BARX2: variants seen among roughly 807,000 people sequenced by gnomAD.
BARX2 encodes homeobox protein BarH-like 2.
BARX2 carries 11 observed loss-of-function variants against 25.5 expected under a neutral mutation model. The observed-to-expected ratio is 0.43, with a 90% CI of 0.27 to 0.71. BARX2 has a LOEUF of 0.71. BARX2 is among the 30% of genes least tolerant of loss of function. The pLI is 0.19. For missense variants in BARX2, 360 were observed against 359.9 expected, an observed-to-expected ratio of 1.00 and a Z score of 0.00; for synonymous variants, 137 against 149.5, an observed-to-expected ratio of 0.92 and a Z score of 0.61.
intron 3 of BARX2, among the ~76,000 whole-genome samples, chr11:129,450,496 T>C (rs1325946205): frequency 6.6e-6 from 1 of 152,228 alleles, no homozygotes; most frequent in African/African-American, 2.4e-5. Context: ...ATAGTAATTG[T>C]AATGGTTGTC....
intron 1 of BARX2, among the ~76,000 whole-genome samples, chr11:129,398,560 A>G (rs1201417405): frequency 6.6e-6 from 1 of 152,236 alleles, no homozygotes; most frequent in East Asian, 1.9e-4. Flanking sequence ...TGCTGAAGTA[A>G]TTCTAATTGA....
At chr11:129,415,695 G>C (rs1038831185) in intron 1 of BARX2, among the ~76,000 whole-genome samples, 3 of 152,206 alleles carry the variant, frequency 2.0e-5, no homozygotes, top group African/African-American at 7.2e-5. Flanking sequence ...AATGTATCCT[G>C]TGTTGCACAA....
At chr11:129,438,892 C>G (rs1370411482) in intron 2 of BARX2, among the ~76,000 whole-genome samples, 1 of 152,134 alleles carries the variant, frequency 6.6e-6, no homozygotes, top group East Asian at 1.9e-4. Context: ...TTAAGAAGAG[C>G]TTTGATTCCA....
intron 1 of BARX2, among the ~76,000 whole-genome samples, chr11:129,410,562 G>A (rs1861875856): frequency 6.6e-6 from 1 of 152,204 alleles, no homozygotes; most frequent in South Asian, 2.1e-4. Flanking sequence ...TGGGAGGGGT[G>A]TGTGGGGCTG....
intron 1 of BARX2, among the ~76,000 whole-genome samples, chr11:129,414,361 GA>G (rs144558771): frequency 0.019 from 2,848 of 152,062 alleles, 104 homozygotes; most frequent in East Asian, 0.15. Flanking sequence ...GCTTATCTAA[GA>G]GCTACCGAGA....
At chr11:129,450,320 AC>A (rs1862382176) in intron 3 of BARX2, among the ~76,000 whole-genome samples, 1 of 152,238 alleles carries the variant, frequency 6.6e-6, no homozygotes, top group African/African-American at 2.4e-5. Flanking sequence ...TATAGAAAAA[AC>A]AAAGATTAAA....
At chr11:129,434,123 A>G (rs975161172) in intron 1 of BARX2, among the ~76,000 whole-genome samples, 1 of 152,108 alleles carries the variant, frequency 6.6e-6, no homozygotes, top group Non-Finnish European at 1.5e-5. Context: ...CAGACAAAAA[A>G]AAAATCATAG....
intron 1 of BARX2, among the ~76,000 whole-genome samples, chr11:129,418,198 C>T (rs973949931): frequency 2.6e-5 from 4 of 152,032 alleles, no homozygotes; most frequent in Non-Finnish European, 5.9e-5. Flanking sequence ...TATCTCTAGG[C>T]GTAATGGTTG....
intron 1 of BARX2, among the ~76,000 whole-genome samples, chr11:129,382,180 T>C (rs1861571870): frequency 6.6e-6 from 1 of 152,068 alleles, no homozygotes; most frequent in African/African-American, 2.4e-5. Context: ...TTGTTTTTGT[T>C]TTTGTTTTAT....
chr11:129,403,621 G>A (rs917609621), intron 1 of BARX2, among the ~76,000 whole-genome samples: 1 of 152,218 alleles, frequency 6.6e-6, no homozygotes, highest in Admixed American at 6.5e-5. Flanking sequence ...TCCAGTGCCT[G>A]GATGGGAAAA....
Position 129,451,210 on chromosome 11 carries a change from A to T in BARX2, c.648A>T (p.Glu216Asp), listed in dbSNP as rs1175967028. 6.2e-7 allele frequency: 1 copy of T among 1,613,974 alleles called. No individual in the cohort carries two copies. The highest frequency in any genetic ancestry group is 8.5e-7 in the Non-Finnish European group (1 of 1,179,974). Residue 216 changes from glutamate to aspartate, a missense_variant, in exon 4 of 4, where the codon GAA (glutamate) becomes GAT (aspartate). By Grantham distance (45) the Glu-to-Asp change is conservative (BLOSUM62 2). Around this residue, in one of 3 missense-constraint regions of BARX2, gnomAD observed 114 missense variants for 109.4 expected, o/e 1.04. Transcript: ENST00000281437. Reference protein sequence around the residue: ...RPKKNSIPTSEEIEAEEKMNS... With the variant: ...RPKKNSIPTSDEIEAEEKMNS... ...AGAAGAACTCCATCCCCACATCAGA[A>T]GAGATTGAAGCTGAAGAGAAGATGA...
chr11:129,382,528 T>C (rs995462131), intron 1 of BARX2, among the ~76,000 whole-genome samples: 7 of 152,186 alleles, frequency 4.6e-5, no homozygotes, highest in African/African-American at 1.7e-4. Flanking sequence ...CTATGGAGCC[T>C]GAGGGTCTTC....
chr11:129,422,388 T>C (rs1862014290), intron 1 of BARX2, among the ~76,000 whole-genome samples: 2 of 151,762 alleles, frequency 1.3e-5, no homozygotes, highest in Non-Finnish European at 2.9e-5. Flanking sequence ...CTCCTCCAAC[T>C]CCTCGGTTCA....
rs144013495 is a variant in BARX2 at position 129,451,267 on chromosome 11, G to T, written c.705G>T (p.Glu235Asp). The stretch of plus-strand genomic sequence containing the variant: ...AGGCCCAGGGTCAGGAGCAGCTGGA[G>T]CCCTCTCAGGGGCAGGAGGAGCTCT... ...NSQAQGQEQL[E>D]PSQGQEELCE... is the part of the protein sequence containing the mutation. Residue 235 changes from glutamate (E) to aspartate (D), a missense_variant, in exon 4 of 4, where the codon GAG becomes GAT. By Grantham distance (45) the Glu-to-Asp change is conservative. Coordinates refer to ENST00000281437, the MANE Select transcript of BARX2 (RefSeq NM_003658.5). The T allele has an allele frequency of 1.9e-5, 31 of 1,614,076 alleles. No homozygotes were observed. The highest frequency in any genetic ancestry group is 2.5e-5 in the Non-Finnish European group (29 of 1,180,054).
At chr11:129,423,999 G>C (rs1862037539) in intron 1 of BARX2, among the ~76,000 whole-genome samples, 1 of 151,972 alleles carries the variant, frequency 6.6e-6, no homozygotes, top group Non-Finnish European at 1.5e-5. Context: ...ACAGGTGCCT[G>C]CCACCATGCC....
chr11:129,444,729 C>T (rs1862304121), intron 3 of BARX2, among the ~76,000 whole-genome samples: 1 of 152,104 alleles, frequency 6.6e-6, no homozygotes, highest in Admixed American at 6.6e-5. Flanking sequence ...TGGCCCGGCA[C>T]GGTGGCTCAC....
chr11:129,426,642 G>A (rs1161552468), intron 1 of BARX2, among the ~76,000 whole-genome samples: 9 of 152,138 alleles, frequency 5.9e-5, no homozygotes, highest in African/African-American at 1.4e-4. Flanking sequence ...CTCCCAAAGT[G>A]CTGGGATTAT....
rs78832579 is a variant in BARX2, at chr11:129,436,677, C to T, written c.188-74C>T. On this transcript the variant is annotated intron_variant, in intron 1 of 3. Transcript: ENST00000281437. This position sits in a 1 kb window ranked among gnomAD's most constrained non-coding sequence, Gnocchi z 4.5. Reference sequence around the variant, plus strand: ...TCCCTGTCAGACAGACCTCAGCCAGCGGCCCTCCGCAGGTCCTGGCCTGCT... The same window carrying T: ...TCCCTGTCAGACAGACCTCAGCCAGTGGCCCTCCGCAGGTCCTGGCCTGCT... 0.019 allele frequency: 27,120 copies of T among 1,465,364 alleles called. 294 individuals are homozygous for T. Among genetic ancestry groups the T allele is most frequent in the African/African-American group, 0.03 (2,121 of 70,890 alleles). The allele number at this position is 1,465,364 out of a possible 1,614,324, so 90.8% of individuals were successfully genotyped here.
At chr11:129,412,515 C>A (rs1208751821) in intron 1 of BARX2, among the ~76,000 whole-genome samples, 1 of 152,210 alleles carries the variant, frequency 6.6e-6, no homozygotes, top group Non-Finnish European at 1.5e-5. Flanking sequence ...CTGCTCCTTG[C>A]AGAGCAGGCA....
Sources: gnomAD v4.1 joint callset for allele counts (sites outside exome capture counted in the v4.1 genomes callset) on GRCh38, gnomAD v4.1.1 for gene constraint, gnomAD v4.1.1 regional missense constraint, Gnocchi (gnomAD v3.1) non-coding constraint, MANE v1.5 for transcripts, NCBI Gene and HGNC (gene_info 2026-07-23, HGNC 2026-07-21) for gene names.